TBC1D22A: variants seen among roughly 807,000 people sequenced by gnomAD.
The protein encoded by TBC1D22A is putative GTPase activator.
Under a neutral mutation model 60.2 loss-of-function variants are expected in TBC1D22A, and 38 were observed. The ratio of observed to expected loss-of-function variants is 0.63; its 90% confidence interval spans 0.49 to 0.83. The LOEUF (loss-of-function observed/expected upper bound fraction) is 0.83, where lower values mean the gene tolerates loss of function less well. TBC1D22A is among the 40% of genes least tolerant of loss of function. TBC1D22A has a pLI of 0.00. For missense variants in TBC1D22A, 628 were observed against 701.0 expected (o/e 0.90, Z 1.18); for synonymous variants, 302 against 281.7 (o/e 1.07, Z -0.72).
At chr22:46,816,550 G>A (rs184693003) in intron 4 of TBC1D22A, among the ~76,000 whole-genome samples, 5 of 152,372 alleles carry the variant, frequency 3.3e-5, no homozygotes, top group Admixed American at 6.5e-5. Flanking sequence ...CTCAACAGCA[G>A]TAGATTTTAT....
intron 4 of TBC1D22A, among the ~76,000 whole-genome samples, chr22:46,841,863 CTG>C (rs1207628909): frequency 2.6e-5 from 4 of 152,224 alleles, no homozygotes; most frequent in South Asian, 2.1e-4. Flanking sequence ...CACAAGGTAA[CTG>C]TAACATGTGA....
chr22:46,927,692 G>C (rs1204830036), intron 8 of TBC1D22A, among the ~76,000 whole-genome samples: 3 of 152,034 alleles, frequency 2.0e-5, no homozygotes, highest in Non-Finnish European at 2.9e-5. Context: ...AAATCCCCAA[G>C]GAATCCACTA....
intron 8 of TBC1D22A, among the ~76,000 whole-genome samples, chr22:46,964,645 C>T (rs1005953003): frequency 6.6e-6 from 1 of 152,216 alleles, no homozygotes; most frequent in Non-Finnish European, 1.5e-5. Context: ...TCATATCCTT[C>T]TGTGATTATA....
intron 11 of TBC1D22A, among the ~76,000 whole-genome samples, chr22:47,065,186 C>G (rs973850208): frequency 1.4e-4 from 21 of 152,142 alleles, no homozygotes; most frequent in African/African-American, 4.8e-4. Context: ...TTATTAGAGA[C>G]AGGGTTTCAC....
At chr22:46,878,319 GAGGGAGA>G (rs2067664517) in intron 4 of TBC1D22A, among the ~76,000 whole-genome samples, 2 of 151,926 alleles carry the variant, frequency 1.3e-5, no homozygotes, top group Non-Finnish European at 1.5e-5. Context: ...AAGGAGGTGG[GAGGGAGA>G]GAGAGAAGGA....
chr22:46,902,511 A>T (rs1460283048), intron 7 of TBC1D22A, among the ~76,000 whole-genome samples: 1 of 152,234 alleles, frequency 6.6e-6, no homozygotes, highest in African/African-American at 2.4e-5. Context: ...ACACAGCCGC[A>T]TCCTTAGGGC....
chr22:47,171,609 T>A (rs2068455160), intron 12 of TBC1D22A, among the ~76,000 whole-genome samples: 2 of 152,202 alleles, frequency 1.3e-5, no homozygotes, highest in Admixed American at 1.3e-4. Flanking sequence ...TCTTGGCCAC[T>A]CAGCCCTCTC....
At chr22:46,837,342 A>C (rs570038437) in intron 4 of TBC1D22A, among the ~76,000 whole-genome samples, 2 of 152,232 alleles carry the variant, frequency 1.3e-5, no homozygotes, top group Non-Finnish European at 2.9e-5. Context: ...AATCATCCAG[A>C]CAGAAAATCA....
chr22:46,918,016 C>T (rs143456747), intron 8 of TBC1D22A, among the ~76,000 whole-genome samples: 1,906 of 152,286 alleles, frequency 0.013, 18 homozygotes, highest in Non-Finnish European at 0.02. Context: ...GAGCTGCAGG[C>T]GGCCTTGGTG....
chr22:47,159,816 C>G (rs969138012), intron 12 of TBC1D22A, among the ~76,000 whole-genome samples: 2 of 151,880 alleles, frequency 1.3e-5, no homozygotes, highest in Non-Finnish European at 2.9e-5. Context: ...ACCCACAGCA[C>G]ACAACCCCCA....
At chr22:46,818,744 T>G (rs894080349) in intron 4 of TBC1D22A, among the ~76,000 whole-genome samples, 1 of 152,364 alleles carries the variant, frequency 6.6e-6, no homozygotes, top group Non-Finnish European at 1.5e-5. Context: ...GTATGAAATT[T>G]AAAATAGTTT....
chr22:46,981,749 A>C (rs935680270), intron 9 of TBC1D22A, among the ~76,000 whole-genome samples: 8 of 152,164 alleles, frequency 5.3e-5, no homozygotes, highest in African/African-American at 1.9e-4. Flanking sequence ...TCTTGTCTTT[A>C]TGAGTTGCCC....
At chr22:47,095,209 C>G (rs554584358) in intron 11 of TBC1D22A, among the ~76,000 whole-genome samples, 5 of 152,376 alleles carry the variant, frequency 3.3e-5, no homozygotes, top group African/African-American at 9.6e-5. Flanking sequence ...TTTGCTTGTG[C>G]AGCTGAAGTT....
At chr22:47,035,606 C>T (rs2062630010) in intron 10 of TBC1D22A, among the ~76,000 whole-genome samples, 1 of 152,200 alleles carries the variant, frequency 6.6e-6, no homozygotes, top group Non-Finnish European at 1.5e-5. Context: ...AGCACGTTTG[C>T]CCTGGTCAGC....
intron 10 of TBC1D22A, among the ~76,000 whole-genome samples, chr22:47,017,933 T>G (rs765951321): frequency 2.6e-5 from 4 of 152,258 alleles, no homozygotes; most frequent in African/African-American, 7.2e-5. Context: ...CGAACGTCCC[T>G]TTAATACGTT....
At chr22:47,104,287 G>A (rs1308981317) in intron 11 of TBC1D22A, among the ~76,000 whole-genome samples, 1 of 152,040 alleles carries the variant, frequency 6.6e-6, no homozygotes, top group African/African-American at 2.4e-5. Context: ...CAGCCTGGGT[G>A]ACAGAGTGAG....
chr22:46,937,335 A>G (rs965340285), intron 8 of TBC1D22A, among the ~76,000 whole-genome samples: 9 of 152,190 alleles, frequency 5.9e-5, no homozygotes, highest in Admixed American at 5.9e-4. Context: ...TCAACACTGG[A>G]TGGCGTATAC....
chr22:46,799,843 CGTG>C (rs1231003378), intron 4 of TBC1D22A, among the ~76,000 whole-genome samples: 2 of 152,210 alleles, frequency 1.3e-5, no homozygotes, highest in East Asian at 3.8e-4. Context: ...AGCGGGGGCA[CGTG>C]GTGCTGGTGG....
chr22:46,852,293 G>A (rs115188187), intron 4 of TBC1D22A, among the ~76,000 whole-genome samples: 4,054 of 152,268 alleles, frequency 0.027, 176 homozygotes, highest in African/African-American at 0.093. Context: ...CCGGCTTCCC[G>A]GCCCGCAGAG....
Sources: gnomAD v4.1 joint callset for allele counts (sites outside exome capture counted in the v4.1 genomes callset) on GRCh38, gnomAD v4.1.1 for gene constraint, MANE v1.5 for transcripts, NCBI Gene and HGNC (gene_info 2026-07-23, HGNC 2026-07-21) for gene names.